Variants in CEP63 observed in about 807,000 individuals in gnomAD.
CEP63 encodes the protein centrosomal protein 63.
Under a neutral mutation model 89.1 loss-of-function variants are expected in CEP63, and 84 were observed. The ratio of observed to expected loss-of-function variants is 0.94; its 90% CI spans 0.79 to 1.13. CEP63 has a LOEUF of 1.13. CEP63 is among the 50% of genes most tolerant of loss of function. The pLI is 0.00. For synonymous variants in CEP63, 267 were observed against 272.5 expected (o/e 0.98, Z 0.20); for missense variants, 838 against 813.3 (o/e 1.03, Z -0.37).
At chr3:134,508,202 C>G (rs553571388) in intron 3 of CEP63, among the ~76,000 whole-genome samples, 1 of 152,304 alleles carries the variant, frequency 6.6e-6, no homozygotes, top group South Asian at 2.1e-4. Context: ...TGTTATTATG[C>G]TTACCCAGAA....
the CEP63 span, among the ~76,000 whole-genome samples, chr3:134,764,220 A>G: frequency 1.3e-5 from 2 of 152,064 alleles, no homozygotes; most frequent in Non-Finnish European, 2.9e-5. Flanking sequence ...TTCTGGTGGG[A>G]TTTTGGGGAC....
intron 6 of CEP63, among the ~76,000 whole-genome samples, chr3:134,538,493 C>G (rs1951239864): frequency 8.4e-6 from 1 of 119,326 alleles, no homozygotes; most frequent in South Asian, 2.7e-4. Context: ...ACTTGAATGC[C>G]AAAGCACCAT....
At chr3:134,637,346 C>A in the CEP63 span, among the ~76,000 whole-genome samples, 1 of 152,306 alleles carries the variant, frequency 6.6e-6, no homozygotes, top group African/African-American at 2.4e-5. Flanking sequence ...CTTTCTCCAC[C>A]TCAAACCCTC....
At chr3:134,597,054 A>G in the CEP63 span, among the ~76,000 whole-genome samples, 1 of 152,114 alleles carries the variant, frequency 6.6e-6, no homozygotes, top group Admixed American at 6.5e-5. Flanking sequence ...GATGATTCTA[A>G]GGGGCTCTCA....
At chr3:134,625,981 A>G in the CEP63 span, among the ~76,000 whole-genome samples, 42 of 152,360 alleles carry the variant, frequency 2.8e-4, no homozygotes, top group Non-Finnish European at 1.3e-4. Flanking sequence ...TATTGCTGGG[A>G]GGCTGCTGCA....
At chr3:134,581,988 TAAAC>T (rs1958367636) in intron 10 of CEP63, among the ~76,000 whole-genome samples, 2 of 151,994 alleles carry the variant, frequency 1.3e-5, no homozygotes, top group African/African-American at 4.8e-5. Flanking sequence ...AACATTTTTT[TAAAC>T]CAGAAATAGA....
the CEP63 span, among the ~76,000 whole-genome samples, chr3:134,742,888 A>G: frequency 6.6e-6 from 1 of 152,208 alleles, no homozygotes; most frequent in African/African-American, 2.4e-5. Flanking sequence ...CAATAAATTT[A>G]CGTTCATTAT....
the CEP63 span, among the ~76,000 whole-genome samples, chr3:134,749,705 C>A: frequency 2.4e-4 from 12 of 49,398 alleles, no homozygotes; most frequent in African/African-American, 3.3e-4. Context: ...AGGGGTTGTT[C>A]AAAAAAAAAA....
At chr3:134,568,077 A>G (rs933389497), downstream of CEP63, among the ~76,000 whole-genome samples, 12 of 152,328 alleles carry the variant, frequency 7.9e-5, no homozygotes, top group African/African-American at 2.9e-4. Context: ...AGATGAGCTA[A>G]GATACTCTTT....
the CEP63 span, among the ~76,000 whole-genome samples, chr3:134,606,363 T>G: frequency 1.3e-5 from 2 of 152,136 alleles, no homozygotes; most frequent in African/African-American, 4.8e-5. Context: ...GCCTCGCCAG[T>G]ATCAAGCACT....
At chr3:134,520,024 A>G (rs1947096985) in intron 3 of CEP63, among the ~76,000 whole-genome samples, 1 of 152,184 alleles carries the variant, frequency 6.6e-6, no homozygotes, top group African/African-American at 2.4e-5. Context: ...TGTGAATGAG[A>G]CAAGGATGCC....
At chr3:134,489,399 T>C (rs1356030460) in intron 1 of CEP63, among the ~76,000 whole-genome samples, 1 of 152,142 alleles carries the variant, frequency 6.6e-6, no homozygotes, top group African/African-American at 2.4e-5. Context: ...GATAATTTCA[T>C]AGGTAATGCA....
chr3:134,536,600 T>C (rs1229950329), intron 5 of CEP63: 1 of 158,824 alleles, frequency 6.3e-6, no homozygotes, highest in African/African-American at 2.4e-5. Flanking sequence ...TTCAAACTTT[T>C]GCAGTTCCTC....
At chr3:134,735,120 C>A in the CEP63 span, among the ~76,000 whole-genome samples, 1 of 152,128 alleles carries the variant, frequency 6.6e-6, no homozygotes. Flanking sequence ...TTCAGCCTCA[C>A]AACAATGCTG....
At chr3:134,533,545 G>A (rs1950232812) in intron 5 of CEP63, among the ~76,000 whole-genome samples, 1 of 152,256 alleles carries the variant, frequency 6.6e-6, no homozygotes, top group Non-Finnish European at 1.5e-5. Context: ...TGTATATATT[G>A]AGAACTTAAG....
the CEP63 span, among the ~76,000 whole-genome samples, chr3:134,673,601 G>C: frequency 6.6e-6 from 1 of 152,114 alleles, no homozygotes; most frequent in African/African-American, 2.4e-5. Context: ...AGTAGCAGCT[G>C]GGCCCTTGGT....
chr3:134,757,782 C>A, the CEP63 span, among the ~76,000 whole-genome samples: 1 of 151,978 alleles, frequency 6.6e-6, no homozygotes, highest in Non-Finnish European at 1.5e-5. Context: ...GGGTCCCCAC[C>A]AAAGGTAGTG....
At chr3:134,653,153 C>G in the CEP63 span, among the ~76,000 whole-genome samples, 2 of 152,210 alleles carry the variant, frequency 1.3e-5, no homozygotes, top group Admixed American at 1.3e-4. Flanking sequence ...GGCCTCTCAT[C>G]CTTGGCGCTA....
the CEP63 span, chr3:134,607,506 A>T: frequency 1.0e-6 from 1 of 985,692 alleles, no homozygotes; most frequent in African/African-American, 1.7e-5. Context: ...AGACGGTGCC[A>T]CCAGGCAGTC....
Sources: gnomAD v4.1 joint callset for allele counts (sites outside exome capture counted in the v4.1 genomes callset) on GRCh38, gnomAD v4.1.1 for gene constraint, MANE v1.5 for transcripts, NCBI Gene and HGNC (gene_info 2026-07-23, HGNC 2026-07-21) for gene names.